KLF8: variants seen among roughly 807,000 people sequenced by gnomAD.
KLF8 encodes KLF transcription factor 8.
In KLF8, 10 loss-of-function variants were observed where a neutral mutation model predicts 18.2. That is an observed-to-expected ratio of 0.55 (90% CI 0.34 to 0.93). The LOEUF (loss-of-function observed/expected upper bound fraction) is 0.93, where lower values mean the gene tolerates loss of function less well. Ranked by LOEUF, KLF8 falls within the 40% of genes least tolerant of loss-of-function variation. The pLI, the probability that KLF8 is intolerant of heterozygous loss-of-function variation, is 0.02. For synonymous variants in KLF8, 109 were observed against 97.3 expected, an observed-to-expected ratio of 1.12 and a Z score of -0.71; for missense variants, 264 against 277.9, an observed-to-expected ratio of 0.95 and a Z score of 0.36.
the KLF8 span, among the ~76,000 whole-genome samples, chrX:56,059,947 A>G: frequency 1.8e-4 from 20 of 112,117 alleles, 1 homozygote; most frequent in South Asian, 7.5e-3. Context: ...TTTAGGCAAT[A>G]TGGCCATTTT....
the KLF8 span, among the ~76,000 whole-genome samples, chrX:56,099,080 A>G: frequency 8.9e-6 from 1 of 112,226 alleles, no homozygotes. Flanking sequence ...GTGTTTTCAC[A>G]GAAACACCAC....
At chrX:56,104,148 G>T in the KLF8 span, among the ~76,000 whole-genome samples, 3 of 111,468 alleles carry the variant, frequency 2.7e-5, no homozygotes, top group Admixed American at 1.9e-4. Flanking sequence ...ATCAAGGTTC[G>T]TCAGGGATAT....
chrX:56,002,124 A>G, the KLF8 span, among the ~76,000 whole-genome samples: 1 of 111,880 alleles, frequency 8.9e-6, no homozygotes, highest in Non-Finnish European at 1.9e-5. Flanking sequence ...TTCATCTTCT[A>G]TCACTCTCTC....
intron 3 of KLF8, chrX:56,268,771 G>A (rs2067004605): frequency 1.3e-6 from 1 of 782,597 alleles, no homozygotes; most frequent in Non-Finnish European, 1.5e-6. Context: ...ACCTGATTGA[G>A]TTTTTAGGAA....
chrX:56,191,989 G>C, the KLF8 span, among the ~76,000 whole-genome samples: 1 of 111,277 alleles, frequency 9.0e-6, no homozygotes, highest in Non-Finnish European at 1.9e-5. Context: ...AATCAGACAA[G>C]AGAAGGAAAT....
intron 5 of KLF8, among the ~76,000 whole-genome samples, chrX:56,283,661 G>A (rs2067231466): frequency 8.9e-6 from 1 of 112,184 alleles, no homozygotes; most frequent in Non-Finnish European, 1.9e-5. Flanking sequence ...GTGAGCCACC[G>A]CACCGGACCA....
At chrX:56,118,003 A>G in the KLF8 span, among the ~76,000 whole-genome samples, 2 of 111,463 alleles carry the variant, frequency 1.8e-5, no homozygotes, top group African/African-American at 6.5e-5. Flanking sequence ...CAACCTCTCT[A>G]AGGCCTCTTT....
the KLF8 span, chrX:55,908,340 C>T: frequency 2.1e-5 from 6 of 284,533 alleles, no homozygotes; most frequent in African/African-American, 2.8e-5. Flanking sequence ...GTCCGCCAGC[C>T]TAAGTGGGAC....
chrX:56,224,632 T>C, the KLF8 span, among the ~76,000 whole-genome samples: 4 of 112,145 alleles, frequency 3.6e-5, no homozygotes, highest in African/African-American at 1.3e-4. Context: ...AATGATAGTG[T>C]AACTATACTA....
the KLF8 span, among the ~76,000 whole-genome samples, chrX:56,189,451 A>C: frequency 1.8e-5 from 2 of 111,515 alleles, no homozygotes; most frequent in Non-Finnish European, 3.8e-5. Context: ...CCCTTGTGGA[A>C]GTCATTGTGG....
the KLF8 span, among the ~76,000 whole-genome samples, chrX:56,058,255 T>TATATAC: frequency 1.4e-4 from 8 of 56,921 alleles, no homozygotes; most frequent in African/African-American, 6.9e-4. Flanking sequence ...TACGTATATA[T>TATATAC]ACACATATAT....
At chrX:56,224,541 G>A in the KLF8 span, among the ~76,000 whole-genome samples, 1 of 111,171 alleles carries the variant, frequency 9.0e-6, no homozygotes, top group Non-Finnish European at 1.9e-5. Flanking sequence ...AATCCTACTA[G>A]CTATCCTTTG....
chrX:55,987,742 T>A, the KLF8 span, among the ~76,000 whole-genome samples: 1 of 112,211 alleles, frequency 8.9e-6, no homozygotes, highest in Admixed American at 9.4e-5. Flanking sequence ...GGTCAAATTG[T>A]ATTTCTAGTT....
the KLF8 span, among the ~76,000 whole-genome samples, chrX:56,091,717 C>T: frequency 3.6e-5 from 4 of 111,403 alleles, no homozygotes; most frequent in Non-Finnish European, 7.5e-5. Flanking sequence ...ATAGTCTTGA[C>T]CTCCTGACCT....
chrX:56,131,635 T>C, the KLF8 span, among the ~76,000 whole-genome samples: 11 of 111,378 alleles, frequency 9.9e-5, no homozygotes, highest in Non-Finnish European at 3.8e-5. Context: ...ACCTCACATC[T>C]CAATACTAAA....
At chrX:56,137,610 G>T in the KLF8 span, among the ~76,000 whole-genome samples, 1 of 74,054 alleles carries the variant, frequency 1.4e-5, no homozygotes, top group South Asian at 9.3e-4. Flanking sequence ...TGTTGGGTGG[G>T]GGGAGGGGGG....
chrX:56,027,884 T>C, the KLF8 span, among the ~76,000 whole-genome samples: 1 of 112,767 alleles, frequency 8.9e-6, no homozygotes, highest in Non-Finnish European at 1.9e-5. Context: ...ACTTGGTTAA[T>C]CTAGCATTTG....
intron 1 of KLF8, among the ~76,000 whole-genome samples, chrX:56,248,207 T>C (rs2066652296): frequency 9.1e-6 from 1 of 109,940 alleles, no homozygotes; most frequent in Admixed American, 9.7e-5. Flanking sequence ...ATACTTAATG[T>C]AAATGACGAG....
At chrX:56,124,837 A>G in the KLF8 span, among the ~76,000 whole-genome samples, 8 of 111,979 alleles carry the variant, frequency 7.1e-5, no homozygotes, top group Non-Finnish European at 1.5e-4. Flanking sequence ...CCATTTCCTG[A>G]GTCACAAGAA....
Sources: allele counts gnomAD v4.1 joint callset (sites outside exome capture counted in the v4.1 genomes callset), GRCh38; gene constraint gnomAD v4.1.1; transcripts MANE v1.5; gene names NCBI Gene and HGNC (gene_info 2026-07-23, HGNC 2026-07-21).